The following SERPINB10 variants were observed in gnomAD, a reference collection of about 807,000 sequenced individuals.
The protein encoded by SERPINB10 is serpin family B member 10.
SERPINB10 carries 35 observed loss-of-function variants against 39.1 expected under a neutral mutation model. The ratio of observed to expected loss-of-function variants is 0.90; its 90% CI spans 0.68 to 1.19. SERPINB10 has a LOEUF of 1.19. Among genes scored for constraint, SERPINB10 ranks in the 50% most tolerant of loss-of-function variants. The pLI is 0.00. For synonymous variants in SERPINB10, 190 were observed against 158.1 expected, an observed-to-expected ratio of 1.20 and a Z score of -1.52; for missense variants, 546 against 460.5, an observed-to-expected ratio of 1.19 and a Z score of -1.70.
At chr18:63,918,132 T>C in intron 4 of SERPINB10, 30 bp downstream of exon 4, 1 of 1,609,364 alleles carries the variant, frequency 6.2e-7, no homozygotes, top group South Asian at 1.1e-5. Flanking sequence ...TTTAAGCTAA[T>C]GGAAAAGAAA....
At chr18:63,931,688 A>T (rs1031335480) in intron 6 of SERPINB10, among the ~76,000 whole-genome samples, 4 of 152,146 alleles carry the variant, frequency 2.6e-5, no homozygotes, top group Non-Finnish European at 5.9e-5. Flanking sequence ...ACACACACAC[A>T]GTTTCCCTTA....
intron 5 of SERPINB10, among the ~76,000 whole-genome samples, chr18:63,921,302 A>G (rs1284993795): frequency 1.3e-5 from 2 of 151,868 alleles, no homozygotes; most frequent in East Asian, 1.9e-4. Context: ...CCTGCTAGAC[A>G]TATTTGCCAA....
chr18:63,934,523 G>C (rs1275024527), intron 7 of SERPINB10, among the ~76,000 whole-genome samples: 1 of 152,114 alleles, frequency 6.6e-6, no homozygotes, highest in East Asian at 1.9e-4. Context: ...CTTTTGTATA[G>C]CTAACATCTA....
chr18:63,933,292 T>C (rs907454997), intron 7 of SERPINB10, 89 bp downstream of exon 7: 2 of 1,397,600 alleles, frequency 1.4e-6, no homozygotes, highest in South Asian at 1.2e-5. Flanking sequence ...CCAATTGTCC[T>C]CAGGAAGAAT....
At position 63,915,039 on chromosome 18, in the gene SERPINB10, C is replaced by T. The variant is rs572684456; in HGVS notation, c.-9-463C>T. 7.9e-5 allele frequency among the ~76,000 whole-genome samples: 12 copies of T among 152,132 alleles called. 1 individual carries two copies. Among genetic ancestry groups the T allele is most frequent in the African/African-American group, 2.2e-4 (9 of 41,520 alleles). Reference sequence around the variant, plus strand: ...TAGTTACAGCCCAAACCGTGAATATCGTAAATGAGTAATAAATATTTACAA... The same window carrying T: ...TAGTTACAGCCCAAACCGTGAATATTGTAAATGAGTAATAAATATTTACAA... On this transcript the variant is annotated intron_variant, in intron 1 of 7. Coordinates refer to ENST00000238508, the MANE Select transcript of SERPINB10 (RefSeq NM_005024.3).
At chr18:63,933,953 T>A (rs943389567) in intron 7 of SERPINB10, among the ~76,000 whole-genome samples, 2 of 152,218 alleles carry the variant, frequency 1.3e-5, no homozygotes, top group African/African-American at 4.8e-5. Flanking sequence ...TTCCAAATTA[T>A]GTCATAAAAT....
chr18:63,929,913 T>A (rs2050209069), intron 5 of SERPINB10, 132 bp from the exon 6 acceptor site: 1 of 875,664 alleles, frequency 1.1e-6, no homozygotes. Context: ...ACTTGTCCAT[T>A]TCCAGAAAAT....
Position 63,918,041 on chromosome 18 carries a change from A to T in SERPINB10, c.311A>T (p.Asp104Val). The change falls in exon 4 of 8, where the codon GAT (aspartate) becomes GTT (valine). Residue 104 changes from aspartate (D) to valine (V), a missense_variant. Transcript: ENST00000238508. ...TLISEILKPN[D>V]DYLLKTANAI... ...ATCTCAGAAATCCTCAAGCCCAACG[A>T]TGACTACTTACTTAAAACAGCCAAT... 1 of 1,612,492 alleles carries T rather than the reference A, an allele frequency of 6.2e-7. No homozygotes were observed. The highest frequency in any genetic ancestry group is 8.5e-7 in the Non-Finnish European group (1 of 1,179,042).
intron 7 of SERPINB10, 137 bp from the exon 8 acceptor site, chr18:63,934,701 A>ATG: frequency 1.2e-6 from 1 of 812,462 alleles, no homozygotes; most frequent in African/African-American, 1.7e-5. Flanking sequence ...GGATTTCCAG[A>ATG]TGTGTGTGTG....
At chr18:63,911,634 A>C (rs943376167) in intron 1 of SERPINB10, among the ~76,000 whole-genome samples, 3 of 151,828 alleles carry the variant, frequency 2.0e-5, no homozygotes, top group African/African-American at 7.3e-5. Context: ...CCATTGGCCT[A>C]TGTGTCTGTT....
rs757254150 is a variant in SERPINB10 at position 63,917,983 on chromosome 18, T to G, written c.253T>G (p.Ser85Ala). The G allele has an allele frequency of 1.2e-6, 2 of 1,611,968 alleles. No individual in the cohort carries two copies. The highest frequency in any genetic ancestry group is 2.2e-5 in the South Asian group (2 of 91,010). ...KRKMEFNLSN[S>A]EEIHSDFQTL... ...TTTAAAGGAATTCAACTTGAGCAACTCGGAAGAAATACACTCTGATTTCCA... is the reference window on the plus strand; with the variant it reads ...TTTAAAGGAATTCAACTTGAGCAACGCGGAAGAAATACACTCTGATTTCCA... The change falls in exon 4 of 8, where the codon TCG (serine) becomes GCG (alanine). Residue 85 changes from serine (S) to alanine (A), a missense_variant. By Grantham distance (99) the Ser-to-Ala change is moderately conservative. Coordinates refer to ENST00000238508, the MANE Select transcript of SERPINB10 (RefSeq NM_005024.3).
At chr18:63,933,843 C>T (rs7244331) in intron 7 of SERPINB10, among the ~76,000 whole-genome samples, 281 of 152,324 alleles carry the variant, frequency 1.8e-3, no homozygotes, top group Non-Finnish European at 3.2e-3. Flanking sequence ...TCTCATGCAA[C>T]GGATGGCCTG....
chr18:63,930,226 G>A (rs749187258), intron 6 of SERPINB10, 39 bp downstream of exon 6: 1 of 1,595,118 alleles, frequency 6.3e-7, no homozygotes. Context: ...TTTTCACATG[G>A]CATTGTACAA....
chr18:63,925,627 C>A (rs968532731), intron 5 of SERPINB10, among the ~76,000 whole-genome samples: 3 of 151,836 alleles, frequency 2.0e-5, no homozygotes, highest in African/African-American at 7.3e-5. Flanking sequence ...ACCCATGAGT[C>A]TATACTGATA....
chr18:63,929,644 G>T (rs989627414), intron 5 of SERPINB10, among the ~76,000 whole-genome samples: 12 of 144,194 alleles, frequency 8.3e-5, no homozygotes, highest in South Asian at 2.3e-4. Flanking sequence ...ACCTAAATCA[G>T]TAGGTGCAAA....
chr18:63,910,870 A>G lies in SERPINB10; in HGVS notation c.-10+2830A>G, dbSNP rs138467056. Reference sequence around the variant, plus strand: ...AGGGTAGTTCTAACTTCCTTGGGAAATCTCCAATCTGCTTTCCATAGTAGC... The same window carrying G: ...AGGGTAGTTCTAACTTCCTTGGGAAGTCTCCAATCTGCTTTCCATAGTAGC... On this transcript the variant is annotated intron_variant, in intron 1 of 7. Coordinates refer to ENST00000238508, the MANE Select transcript of SERPINB10 (RefSeq NM_005024.3). Among the ~76,000 whole-genome samples, 1,068 of 152,000 alleles carry G rather than the reference A, an allele frequency of 7.0e-3. 15 individuals are homozygous for G. Among genetic ancestry groups the G allele is most frequent in the African/African-American group, 0.025 (1,017 of 41,502 alleles).
chr18:63,911,353 A>G (rs767556390), intron 1 of SERPINB10, among the ~76,000 whole-genome samples: 3 of 148,888 alleles, frequency 2.0e-5, no homozygotes, highest in Non-Finnish European at 4.4e-5. Flanking sequence ...TTCCCCCAAC[A>G]CTGATATCCA....
intron 5 of SERPINB10, among the ~76,000 whole-genome samples, chr18:63,928,416 G>A (rs1299366840): frequency 6.6e-6 from 1 of 152,046 alleles, no homozygotes; most frequent in African/African-American, 2.4e-5. Flanking sequence ...GAATGTATTC[G>A]GGGTTGATAG....
chr18:63,910,759 CTTGT>C (rs1568241651), intron 1 of SERPINB10, among the ~76,000 whole-genome samples: 2 of 151,422 alleles, frequency 1.3e-5, no homozygotes, highest in Admixed American at 6.6e-5. Flanking sequence ...GTGATGAACA[CTTGT>C]GTGTGTGTGT....
Sources: allele counts gnomAD v4.1 joint callset (sites outside exome capture counted in the v4.1 genomes callset), GRCh38; gene constraint gnomAD v4.1.1; transcripts MANE v1.5; gene names NCBI Gene and HGNC (gene_info 2026-07-23, HGNC 2026-07-21).